The following EPHA6 variants were observed in gnomAD, a reference collection of about 807,000 sequenced individuals.
EPHA6 encodes ephrin type-A receptor 6.
EPHA6 carries 50 observed loss-of-function variants against 112.0 expected under a neutral mutation model. That is an observed-to-expected ratio of 0.45 (90% CI 0.36 to 0.56). EPHA6 has a LOEUF of 0.56. Ranked by LOEUF, EPHA6 falls within the 20% of genes least tolerant of loss-of-function variation. The pLI is 0.00. For missense variants in EPHA6, 1,280 were observed against 1,417.4 expected (o/e 0.90, Z 1.56); for synonymous variants, 529 against 490.7 (o/e 1.08, Z -1.03).
chr3:97,190,721 T>TG (rs1266889623), intron 3 of EPHA6, among the ~76,000 whole-genome samples: 8 of 151,972 alleles, frequency 5.3e-5, no homozygotes, highest in African/African-American at 1.2e-4. Flanking sequence ...TTATTTTTTG[T>TG]GGAGGGGAGC....
intron 14 of EPHA6, among the ~76,000 whole-genome samples, chr3:97,718,121 C>T (rs2034334240): frequency 6.6e-6 from 1 of 152,164 alleles, no homozygotes; most frequent in Non-Finnish European, 1.5e-5. Context: ...CAAATTTGGA[C>T]TTTGTTCTCT....
At chr3:97,260,016 G>A (rs2079446328) in intron 5 of EPHA6, among the ~76,000 whole-genome samples, 1 of 152,126 alleles carries the variant, frequency 6.6e-6, no homozygotes, top group African/African-American at 2.4e-5. Context: ...GGTCAGGCTG[G>A]TCTGGAACTC....
At chr3:97,130,963 T>C (rs2048321103) in intron 3 of EPHA6, among the ~76,000 whole-genome samples, 1 of 152,154 alleles carries the variant, frequency 6.6e-6, no homozygotes, top group Admixed American at 6.5e-5. Flanking sequence ...TGCCATTTAA[T>C]TGACACAAAG....
At chr3:97,664,343 G>A (rs2094191150) in intron 14 of EPHA6, among the ~76,000 whole-genome samples, 1 of 152,140 alleles carries the variant, frequency 6.6e-6, no homozygotes, top group Non-Finnish European at 1.5e-5. Flanking sequence ...AGTTTAATTA[G>A]ATCCCATTTG....
intron 2 of EPHA6, among the ~76,000 whole-genome samples, chr3:96,921,702 G>C (rs1038698173): frequency 6.6e-6 from 1 of 151,760 alleles, no homozygotes; most frequent in African/African-American, 2.4e-5. Flanking sequence ...CAACTAGCTG[G>C]TACTACAGGC....
intron 14 of EPHA6, among the ~76,000 whole-genome samples, chr3:97,641,290 A>G (rs934315244): frequency 2.0e-5 from 3 of 152,228 alleles, no homozygotes; most frequent in African/African-American, 4.8e-5. Flanking sequence ...GAATGTACTT[A>G]GCCCCCAAAT....
intron 14 of EPHA6, among the ~76,000 whole-genome samples, chr3:97,672,514 A>C (rs987621285): frequency 7.2e-5 from 11 of 152,090 alleles, no homozygotes; most frequent in African/African-American, 2.7e-4. Context: ...GGAGAATTGC[A>C]CTATTAATGA....
chr3:97,437,863 A>G (rs2089932673), intron 6 of EPHA6, among the ~76,000 whole-genome samples: 1 of 151,958 alleles, frequency 6.6e-6, no homozygotes, highest in Admixed American at 6.6e-5. Flanking sequence ...AAGTCATTTT[A>G]TCTATCCTCA....
At chr3:96,879,646 G>C (rs2037191980) in intron 2 of EPHA6, among the ~76,000 whole-genome samples, 1 of 152,078 alleles carries the variant, frequency 6.6e-6, no homozygotes, top group African/African-American at 2.4e-5. Context: ...CATGAGCATG[G>C]AATGATTTCC....
intron 3 of EPHA6, among the ~76,000 whole-genome samples, chr3:97,041,620 C>A (rs188679716): frequency 6.6e-6 from 1 of 152,018 alleles, no homozygotes; most frequent in Admixed American, 6.6e-5. Flanking sequence ...ATTCTCACAT[C>A]GCTATTAAAA....
intron 5 of EPHA6, among the ~76,000 whole-genome samples, chr3:97,254,653 T>C (rs577013828): frequency 6.6e-6 from 1 of 152,324 alleles, no homozygotes; most frequent in African/African-American, 2.4e-5. Flanking sequence ...AAAGAGAATG[T>C]AGAGTTCAGC....
chr3:97,489,442 T>C (rs575536334), intron 10 of EPHA6, among the ~76,000 whole-genome samples: 1 of 152,316 alleles, frequency 6.6e-6, no homozygotes, highest in Non-Finnish European at 1.5e-5. Flanking sequence ...TCCCAGCATG[T>C]TGGGAGGCCC....
chr3:96,876,594 T>C (rs955150625), intron 2 of EPHA6, among the ~76,000 whole-genome samples: 1 of 152,028 alleles, frequency 6.6e-6, no homozygotes. Flanking sequence ...CCGTTTAACC[T>C]GTGGCCAACA....
chr3:96,889,536 A>C (rs2037833540), intron 2 of EPHA6, among the ~76,000 whole-genome samples: 1 of 152,134 alleles, frequency 6.6e-6, no homozygotes, highest in Non-Finnish European at 1.5e-5. Context: ...AAATCTTGTG[A>C]GTCTTATTCA....
At chr3:97,215,325 G>T (rs953813733) in intron 3 of EPHA6, among the ~76,000 whole-genome samples, 1 of 151,976 alleles carries the variant, frequency 6.6e-6, no homozygotes, top group Non-Finnish European at 1.5e-5. Flanking sequence ...GACATACTTT[G>T]TGTGTGTGTG....
chr3:96,852,602 CAAA>C (rs562944142), intron 1 of EPHA6, among the ~76,000 whole-genome samples: 10 of 106,128 alleles, frequency 9.4e-5, no homozygotes, highest in Admixed American at 1.8e-4. Flanking sequence ...GTATCTTATC[CAAA>C]AAAAAAAAAA....
intron 11 of EPHA6, among the ~76,000 whole-genome samples, chr3:97,550,490 C>T (rs951488360): frequency 2.0e-5 from 3 of 152,158 alleles, no homozygotes; most frequent in Admixed American, 2.0e-4. Context: ...TTTAACCCAA[C>T]TAATGAATCA....
chr3:97,726,198 G>A (rs949567834), intron 15 of EPHA6, among the ~76,000 whole-genome samples: 4 of 151,972 alleles, frequency 2.6e-5, no homozygotes, highest in African/African-American at 9.7e-5. Context: ...CTTACCCATG[G>A]TTACATAGCT....
intron 3 of EPHA6, among the ~76,000 whole-genome samples, chr3:97,019,778 A>G (rs920210778): frequency 2.0e-5 from 3 of 152,112 alleles, no homozygotes; most frequent in Non-Finnish European, 4.4e-5. Context: ...TACACACAAT[A>G]TATACGTGTA....
Sources: allele counts gnomAD v4.1 joint callset (sites outside exome capture counted in the v4.1 genomes callset), GRCh38; gene constraint gnomAD v4.1.1; transcripts MANE v1.5; gene names NCBI Gene and HGNC (gene_info 2026-07-23, HGNC 2026-07-21).